The following CAMK4 variants were observed in gnomAD, a reference collection of about 807,000 sequenced individuals.
The protein encoded by CAMK4 is calcium/calmodulin-dependent protein kinase type IV.
A neutral mutation model predicts 44.9 loss-of-function variants in CAMK4; 22 were observed. The observed-to-expected ratio is 0.49, with a 90% CI of 0.35 to 0.70. CAMK4 has a LOEUF of 0.70. CAMK4 is among the 30% of genes least tolerant of loss of function. The probability of loss-of-function intolerance (pLI) is 0.01; values close to 1 mark genes in which losing one functional copy is unlikely to be tolerated. For synonymous variants in CAMK4, 218 were observed against 215.4 expected (o/e 1.01, Z -0.11); for missense variants, 498 against 586.8 (o/e 0.85, Z 1.56).
chr5:111,490,973 A>G lies in CAMK4; in HGVS notation c.*6507A>G, dbSNP rs564269253. ...GGGTTTAGGTGATTTCTTATGCCCA[A>G]TGAACTAAAGGTATCAGTAAAAGAT... On this transcript the variant is annotated 3_prime_UTR_variant, in exon 11 of 11. Transcript: ENST00000282356. 5.9e-5 allele frequency: 9 copies of G among 152,316 alleles called. No homozygotes were observed. Among genetic ancestry groups the G allele is most frequent in the African/African-American group, 1.4e-4 (6 of 41,562 alleles). 9.4% of individuals were successfully genotyped at this position (152,316 alleles called of 1,614,324 possible).
At position 111,486,241 on chromosome 5, in the gene CAMK4, T is replaced by A. The variant is rs1296864246; in HGVS notation, c.*1775T>A. 3 of 152,128 alleles carry A rather than the reference T, an allele frequency of 2.0e-5. No homozygotes were observed. The highest frequency in any genetic ancestry group is 4.4e-5 in the Non-Finnish European group (3 of 68,046). 9.4% of individuals were successfully genotyped at this position (152,128 alleles called of 1,614,324 possible). The stretch of plus-strand genomic sequence containing the variant: ...TTAAGAATCTGACAGGTCACTGATA[T>A]GGAGCCCCTGAAGAAGCACATCATC... On this transcript the variant is annotated 3_prime_UTR_variant, in exon 11 of 11. Coordinates refer to ENST00000282356, the MANE Select transcript of CAMK4 (RefSeq NM_001744.6).
intron 1 of CAMK4, among the ~76,000 whole-genome samples, chr5:111,255,030 G>A (rs995326336): frequency 6.6e-6 from 1 of 150,924 alleles, no homozygotes; most frequent in Non-Finnish European, 1.5e-5. Context: ...TACTCCTAAA[G>A]CTATACTTTG....
rs1428363571 is a variant in CAMK4 at position 111,494,597 on chromosome 5, GCTT to G, written c.*10138_*10140del. The G allele has an allele frequency of 1.3e-5, 2 of 149,024 alleles. No individual in the cohort carries two copies. Among genetic ancestry groups the G allele is most frequent in the African/African-American group, 2.5e-5 (1 of 39,566 alleles). 9.2% of individuals were successfully genotyped at this position (149,024 alleles called of 1,614,324 possible). Reference sequence around the variant, plus strand: ...TGAGGCAGACCACATGAGAGCTGTGGCTTCTTCTTGGATTCAGGTTGGATAACC... The same window carrying G: ...TGAGGCAGACCACATGAGAGCTGTGGCTTCTTGGATTCAGGTTGGATAACC... On this transcript the variant is annotated 3_prime_UTR_variant, in exon 11 of 11. Transcript: ENST00000282356.
At chr5:111,247,652 T>A (rs1029737529) in intron 1 of CAMK4, among the ~76,000 whole-genome samples, 1 of 152,094 alleles carries the variant, frequency 6.6e-6, no homozygotes, top group African/African-American at 2.4e-5. Context: ...AGGTAGAATT[T>A]CCCTTTCTTC....
At chr5:111,363,218 C>T (rs912375887) in intron 2 of CAMK4, among the ~76,000 whole-genome samples, 1 of 152,054 alleles carries the variant, frequency 6.6e-6, no homozygotes, top group African/African-American at 2.4e-5. Flanking sequence ...TTGAAACAGA[C>T]ATTCTCCACT....
chr5:111,296,795 C>A (rs903032256), intron 1 of CAMK4, among the ~76,000 whole-genome samples: 1 of 152,182 alleles, frequency 6.6e-6, no homozygotes, highest in Non-Finnish European at 1.5e-5. Flanking sequence ...AGCCAAATGC[C>A]TGCAGAGCCA....
intron 5 of CAMK4, among the ~76,000 whole-genome samples, chr5:111,398,264 A>C (rs1284824887): frequency 1.3e-5 from 2 of 152,240 alleles, no homozygotes; most frequent in Admixed American, 6.5e-5. Context: ...TTCAGAACAG[A>C]AGCCACATGT....
At chr5:111,331,530 C>T (rs1749167250) in intron 1 of CAMK4, among the ~76,000 whole-genome samples, 1 of 151,802 alleles carries the variant, frequency 6.6e-6, no homozygotes, top group Non-Finnish European at 1.5e-5. Context: ...ACAGTTTTTA[C>T]AGAAGTTAAA....
At chr5:111,319,266 T>G (rs1580582633) in intron 1 of CAMK4, among the ~76,000 whole-genome samples, 2 of 152,214 alleles carry the variant, frequency 1.3e-5, no homozygotes, top group South Asian at 4.1e-4. Context: ...GTTAAGTTTT[T>G]GGGACCTTTC....
intron 2 of CAMK4, among the ~76,000 whole-genome samples, chr5:111,373,247 A>G (rs1751079443): frequency 1.3e-5 from 2 of 152,134 alleles, no homozygotes; most frequent in South Asian, 4.1e-4. Flanking sequence ...TTTATTGCGT[A>G]TACGGGTGAA....
intron 1 of CAMK4, among the ~76,000 whole-genome samples, chr5:111,251,881 T>TG (rs1749513012): frequency 6.8e-6 from 1 of 146,810 alleles, no homozygotes; most frequent in Non-Finnish European, 1.5e-5. Context: ...GTATTGTGTT[T>TG]GGGGTTCACT....
intron 4 of CAMK4, among the ~76,000 whole-genome samples, chr5:111,388,845 C>T (rs1410556732): frequency 5.9e-5 from 9 of 152,158 alleles, no homozygotes; most frequent in Admixed American, 1.3e-4. Context: ...ACTAACTTAA[C>T]GTATGTTGGG....
At chr5:111,303,577 A>C (rs1334454339) in intron 1 of CAMK4, among the ~76,000 whole-genome samples, 2 of 118,378 alleles carry the variant, frequency 1.7e-5, no homozygotes, top group African/African-American at 7.7e-5. Context: ...CAAAGCCTCC[A>C]AGAAATATGG....
chr5:111,476,424 C>T (rs1396360983), intron 8 of CAMK4, among the ~76,000 whole-genome samples: 7 of 151,930 alleles, frequency 4.6e-5, no homozygotes, highest in African/African-American at 7.3e-5. Context: ...ATTACAAGCA[C>T]GTGCCACCAT....
chr5:111,310,748 A>G (rs1748166828), intron 1 of CAMK4, among the ~76,000 whole-genome samples: 2 of 152,230 alleles, frequency 1.3e-5, no homozygotes, highest in African/African-American at 4.8e-5. Flanking sequence ...CTACTGAATT[A>G]TAAAAAGTAT....
intron 1 of CAMK4, among the ~76,000 whole-genome samples, chr5:111,225,462 C>CT (rs146168846): frequency 3.6e-4 from 54 of 151,258 alleles, no homozygotes; most frequent in East Asian, 9.7e-4. Context: ...CCCTTACTTC[C>CT]TTTTTTTTTG....
chr5:111,237,714 A>G lies in CAMK4; in HGVS notation c.161+13070A>G, dbSNP rs554507644. 5.3e-5 allele frequency among the ~76,000 whole-genome samples: 8 copies of G among 152,270 alleles called. No homozygotes were observed. In the South Asian group the frequency reaches 1.2e-3, roughly 24 times the overall value. On this transcript the variant is annotated intron_variant, in intron 1 of 10. Transcript: ENST00000282356. ...TTTTAAAAAGCTTGACTTATGACCT[A>G]TTTGTGGCTATGTAACCAGTTAGCA...
chr5:111,425,038 C>T (rs1483053997), intron 5 of CAMK4, among the ~76,000 whole-genome samples: 1 of 151,822 alleles, frequency 6.6e-6, no homozygotes, highest in Non-Finnish European at 1.5e-5. Flanking sequence ...GTGGCATGCA[C>T]TTGTAGCCCA....
chr5:111,438,995 C>A (rs1457542377), intron 5 of CAMK4, among the ~76,000 whole-genome samples: 1 of 152,162 alleles, frequency 6.6e-6, no homozygotes, highest in East Asian at 1.9e-4. Context: ...ACCGGAGTAG[C>A]CTTTGCCTCT....
Sources: gnomAD v4.1 joint callset for allele counts (sites outside exome capture counted in the v4.1 genomes callset) on GRCh38, gnomAD v4.1.1 for gene constraint, MANE v1.5 for transcripts, NCBI Gene and HGNC (gene_info 2026-07-23, HGNC 2026-07-21) for gene names.